The following SPATC1 variants were observed in gnomAD, a reference collection of about 807,000 sequenced individuals.
SPATC1 encodes spermatogenesis and centriole associated 1.
In SPATC1, 35 loss-of-function variants were observed where a neutral mutation model predicts 36.5. The observed-to-expected ratio is 0.96, with a 90% CI of 0.73 to 1.27. The LOEUF is 1.27. Ranked by LOEUF, SPATC1 falls within the 50% of genes most tolerant of loss-of-function variation. The probability of loss-of-function intolerance (pLI) is 0.00; values close to 1 mark genes in which losing one functional copy is unlikely to be tolerated. For missense variants in SPATC1, 779 were observed against 796.0 expected, an observed-to-expected ratio of 0.98 and a Z score of 0.26; for synonymous variants, 361 against 353.6, an observed-to-expected ratio of 1.02 and a Z score of -0.24.
chr8:144,018,520 T>A (rs1458121109), intron 1 of SPATC1, among the ~76,000 whole-genome samples: 1 of 151,726 alleles, frequency 6.6e-6, no homozygotes, highest in Admixed American at 6.6e-5. Context: ...TGTTGGAAAA[T>A]ACGCAAGATA....
At chr8:144,020,735 G>GGCTC (rs1834502744) in intron 1 of SPATC1, among the ~76,000 whole-genome samples, 1 of 22,924 alleles carries the variant, frequency 4.4e-5, no homozygotes, top group Non-Finnish European at 8.8e-5. Flanking sequence ...TCCCTCAGGA[G>GGCTC]CCTCTTCCCT....
rs145294757 is a variant in SPATC1, at chr8:144,037,864, C to T, written c.212-2045C>T. On this transcript the variant is annotated intron_variant, in intron 1 of 4. Transcript: ENST00000377470. The stretch of plus-strand genomic sequence containing the variant: ...AATGAATTTTGGCCGGGCTCGGTGG[C>T]CACGCCTGTAATCCCAGCACTTTGG... 6.1e-3 allele frequency among the ~76,000 whole-genome samples: 920 copies of T among 151,702 alleles called. 12 individuals carry two copies. The highest frequency in any genetic ancestry group is 0.021 in the African/African-American group (885 of 41,360).
At chr8:144,041,652 G>C (rs1235296431) in intron 4 of SPATC1, among the ~76,000 whole-genome samples, 1 of 152,242 alleles carries the variant, frequency 6.6e-6, no homozygotes. Context: ...CTTGGAGGAT[G>C]ATGCTTTGCC....
intron 1 of SPATC1, among the ~76,000 whole-genome samples, chr8:144,019,168 A>G (rs1834454156): frequency 1.3e-5 from 2 of 152,142 alleles, no homozygotes; most frequent in Admixed American, 6.5e-5. Context: ...GCAGCCATCA[A>G]TCTCCTGCCT....
At chr8:144,033,877 T>G (rs1445820807) in intron 1 of SPATC1, among the ~76,000 whole-genome samples, 4 of 152,260 alleles carry the variant, frequency 2.6e-5, no homozygotes, top group Non-Finnish European at 5.9e-5. Flanking sequence ...CACATCACTA[T>G]TCAGCACTGG....
At chr8:144,033,762 C>G (rs1354491152) in intron 1 of SPATC1, among the ~76,000 whole-genome samples, 1 of 152,156 alleles carries the variant, frequency 6.6e-6, no homozygotes, top group Non-Finnish European at 1.5e-5. Context: ...TCTCCAGAGC[C>G]TCATGTGGGG....
chr8:144,032,007 A>G (rs1167028173), intron 1 of SPATC1, among the ~76,000 whole-genome samples: 1 of 151,836 alleles, frequency 6.6e-6, no homozygotes, highest in East Asian at 1.9e-4. Flanking sequence ...GGTGTAAGCC[A>G]CCATGCCTGG....
intron 1 of SPATC1, among the ~76,000 whole-genome samples, chr8:144,023,790 A>T (rs1834606847): frequency 0.043 from 11 of 258 alleles, 5 homozygotes; most frequent in Admixed American, 0.23. Context: ...CTCTTCCCTC[A>T]GAACCCTCTA....
intron 1 of SPATC1, among the ~76,000 whole-genome samples, chr8:144,030,374 T>C (rs1834770118): frequency 2.0e-5 from 3 of 152,226 alleles, no homozygotes; most frequent in Admixed American, 1.3e-4. Context: ...TGTATGTATG[T>C]ATTGAGACAG....
chr8:144,027,773 A>T (rs1834714651), intron 1 of SPATC1, among the ~76,000 whole-genome samples: 1 of 152,188 alleles, frequency 6.6e-6, no homozygotes, highest in East Asian at 1.9e-4. Context: ...CAGGTGGATC[A>T]CTTGAGGTCA....
At chr8:144,033,989 G>A (rs895031977) in intron 1 of SPATC1, among the ~76,000 whole-genome samples, 3 of 152,220 alleles carry the variant, frequency 2.0e-5, no homozygotes, top group Admixed American at 6.5e-5. Context: ...GGTTGCATTC[G>A]TGCTGGCGGG....
rs1046660174 is a variant in SPATC1 at position 144,016,761 on chromosome 8, G to A, written c.211+4035G>A. On this transcript the variant is annotated intron_variant, in intron 1 of 4. Coordinates refer to ENST00000377470, the MANE Select transcript of SPATC1 (RefSeq NM_198572.3). The surrounding 1 kb of genome is among the most constrained non-coding windows in gnomAD (Gnocchi z 4.5). ...AGTGATTCTCCTGCCTGAGCCTCCC[G>A]AGTAGCTGGGACTACGGGCATGCAC... is the stretch of plus-strand genomic sequence containing the variant. Among the ~76,000 whole-genome samples, 12 of 151,954 alleles carry A rather than the reference G, an allele frequency of 7.9e-5. No homozygotes were observed. Among genetic ancestry groups the A allele is most frequent in the African/African-American group, 1.9e-4 (8 of 41,368 alleles).
chr8:144,041,607 C>G (rs1443189443), intron 4 of SPATC1, among the ~76,000 whole-genome samples: 1 of 152,232 alleles, frequency 6.6e-6, no homozygotes, highest in Non-Finnish European at 1.5e-5. Flanking sequence ...CGGCTCTCCC[C>G]CTTTGCCACC....
intron 1 of SPATC1, among the ~76,000 whole-genome samples, chr8:144,029,008 C>T (rs1428692982): frequency 1.3e-5 from 2 of 151,798 alleles, no homozygotes; most frequent in South Asian, 2.1e-4. Context: ...ACAATGAGAA[C>T]ACATGGACAC....
chr8:144,043,952 A>G (rs1465713665), intron 4 of SPATC1, among the ~76,000 whole-genome samples: 1 of 152,016 alleles, frequency 6.6e-6, no homozygotes, highest in East Asian at 1.9e-4. Context: ...TCCACATCCC[A>G]TTGACACTGG....
In SPATC1 at chr8:144,034,685, A is replaced by ACT. The variant is rs1434842736; in HGVS notation, c.212-5221_212-5220dup. 1.3e-3 allele frequency among the ~76,000 whole-genome samples: 201 copies of ACT among 151,478 alleles called. 3 individuals carry two copies. Among genetic ancestry groups the ACT allele is most frequent in the African/African-American group, 4.7e-3 (195 of 41,266 alleles). ...TCACCAGGCTGGAGTGGAATGCCAC[A>ACT]CTCTTGGCTCACTGCAACCTCCGAG... is the stretch of plus-strand genomic sequence containing the variant. On this transcript the variant is annotated intron_variant, in intron 1 of 4. Coordinates refer to ENST00000377470, the MANE Select transcript of SPATC1 (RefSeq NM_198572.3).
At chr8:144,044,340 C>T (rs994462294) in intron 4 of SPATC1, among the ~76,000 whole-genome samples, 1 of 150,020 alleles carries the variant, frequency 6.7e-6, no homozygotes, top group African/African-American at 2.5e-5. Context: ...CTCGCTCTGT[C>T]GCCCGGGCTG....
At chr8:144,029,202 TAAAA>T (rs1165801794) in intron 1 of SPATC1, among the ~76,000 whole-genome samples, 39 of 28,162 alleles carry the variant, frequency 1.4e-3, no homozygotes, top group African/African-American at 3.1e-3. Context: ...ACCCCAGAAC[TAAAA>T]AAAAAAAAAA....
intron 1 of SPATC1, among the ~76,000 whole-genome samples, chr8:144,039,251 A>G (rs1295092675): frequency 3.9e-5 from 6 of 152,248 alleles, no homozygotes; most frequent in Non-Finnish European, 5.9e-5. Context: ...GCACTCCTCC[A>G]GGACCAAGGA....
Sources: gnomAD v4.1 joint callset for allele counts (sites outside exome capture counted in the v4.1 genomes callset) on GRCh38, gnomAD v4.1.1 for gene constraint, Gnocchi (gnomAD v3.1) non-coding constraint, MANE v1.5 for transcripts, NCBI Gene and HGNC (gene_info 2026-07-23, HGNC 2026-07-21) for gene names.